MSI2: variants seen among roughly 807,000 people sequenced by gnomAD.
The protein encoded by MSI2 is RNA-binding protein Musashi homolog 2.
A neutral mutation model predicts 45.6 loss-of-function variants in MSI2; 17 were observed. The observed-to-expected ratio is 0.37, with a 90% CI of 0.26 to 0.56. MSI2 has a LOEUF of 0.56. Ranked by LOEUF, MSI2 falls within the 20% of genes least tolerant of loss-of-function variation. The probability of loss-of-function intolerance (pLI) is 0.77; values close to 1 mark genes in which losing one functional copy is unlikely to be tolerated. For synonymous variants in MSI2, 156 were observed against 158.2 expected (o/e 0.99, Z 0.11); for missense variants, 293 against 444.2 (o/e 0.66, Z 3.06).
intron 7 of MSI2, among the ~76,000 whole-genome samples, chr17:57,530,938 G>A (rs1378508700): frequency 6.6e-6 from 1 of 150,980 alleles, no homozygotes; most frequent in Non-Finnish European, 1.5e-5. Context: ...CAACAGTGGT[G>A]TCAAGTGGTA....
chr17:57,367,844 C>T (rs1009251185), intron 5 of MSI2, among the ~76,000 whole-genome samples: 1 of 152,136 alleles, frequency 6.6e-6, no homozygotes, highest in Non-Finnish European at 1.5e-5. Flanking sequence ...TGCCACCAGG[C>T]CATCCCTCTT....
intron 10 of MSI2, among the ~76,000 whole-genome samples, chr17:57,643,161 A>G (rs1910381160): frequency 6.6e-6 from 1 of 152,096 alleles, no homozygotes; most frequent in Admixed American, 6.5e-5. Context: ...GCCCAGGTTG[A>G]AAAGGTACCC....
intron 7 of MSI2, among the ~76,000 whole-genome samples, chr17:57,581,265 C>T (rs568718453): frequency 1.3e-5 from 2 of 152,208 alleles, no homozygotes; most frequent in African/African-American, 2.4e-5. Flanking sequence ...CCCCAGCCTC[C>T]ACTTCCCAAA....
At chr17:57,466,038 T>G (rs975007237) in intron 6 of MSI2, among the ~76,000 whole-genome samples, 1 of 152,014 alleles carries the variant, frequency 6.6e-6, no homozygotes, top group African/African-American at 2.4e-5. Context: ...GGGTGCACAC[T>G]CCCCCTGAGG....
rs564064277 is a variant in MSI2, at chr17:57,486,632, G to C, written c.406-43044G>C. 2.6e-5 allele frequency among the ~76,000 whole-genome samples: 4 copies of C among 152,288 alleles called. No individual in the cohort carries two copies. The South Asian group carries it at 8.3e-4, about 32-fold the overall frequency. On this transcript the variant is annotated intron_variant, in intron 6 of 13. Coordinates refer to ENST00000284073, the MANE Select transcript of MSI2 (RefSeq NM_138962.4). ...TTATTCACTGGTGGTCAGGCTTCTT[G>C]TTTTTCTTCTGGGTAGACTGCCTTT...
chr17:57,375,252 C>T (rs575990928), intron 5 of MSI2, among the ~76,000 whole-genome samples: 5 of 152,268 alleles, frequency 3.3e-5, no homozygotes, highest in African/African-American at 1.2e-4. Flanking sequence ...CAAATTTAAG[C>T]CTCTGACAAG....
chr17:57,677,257 T>G (rs1009561805), intron 13 of MSI2, among the ~76,000 whole-genome samples, 198 bp downstream of exon 13: 3 of 152,222 alleles, frequency 2.0e-5, no homozygotes, highest in African/African-American at 4.8e-5. Context: ...CAGCTTTTAA[T>G]CATGACCCCC....
Position 57,627,848 on chromosome 17 carries a change from T to C in MSI2, c.727+545T>C, listed in dbSNP as rs920138981. 4 of 156,316 alleles carry C rather than the reference T, an allele frequency of 2.6e-5. No individual in the cohort carries two copies. Among genetic ancestry groups the C allele is most frequent in the African/African-American group, 9.6e-5 (4 of 41,470 alleles). 9.7% of individuals were successfully genotyped at this position (156,316 alleles called of 1,614,324 possible). A position where few individuals can be genotyped will look rare whatever the true frequency, so the allele number is the denominator to read the frequency against. On this transcript the variant is annotated intron_variant, in intron 10 of 13. Transcript: ENST00000284073. The surrounding 1 kb of genome is among the most constrained non-coding windows in gnomAD (Gnocchi z 4.6). ...TGCTGTCCATCCTGGGTGAGCTGTT[T>C]AGATTATCCTTTCCCTCTGCGTGGG...
At chr17:57,343,451 A>G (rs574528992) in intron 5 of MSI2, among the ~76,000 whole-genome samples, 21 of 152,148 alleles carry the variant, frequency 1.4e-4, no homozygotes, top group Admixed American at 4.6e-4. Flanking sequence ...TTGCTCAATC[A>G]GTTGCTCTCT....
intron 5 of MSI2, among the ~76,000 whole-genome samples, chr17:57,346,514 A>T (rs992843307): frequency 6.6e-6 from 1 of 152,254 alleles, no homozygotes; most frequent in Non-Finnish European, 1.5e-5. Context: ...GAATAAGTGT[A>T]GTCCAAGCTG....
At chr17:57,625,810 T>G (rs2144599956) in intron 9 of MSI2, 1 of 152,518 alleles carries the variant, frequency 6.6e-6, no homozygotes, top group Non-Finnish European at 1.5e-5. Context: ...AGAACAGGAC[T>G]CAGAAAACAG....
At chr17:57,497,307 G>T (rs2086000425) in intron 6 of MSI2, among the ~76,000 whole-genome samples, 1 of 152,162 alleles carries the variant, frequency 6.6e-6, no homozygotes, top group Admixed American at 6.5e-5. Context: ...GACTTTTTCT[G>T]CCAGACTTGT....
intron 5 of MSI2, chr17:57,268,305 A>T (rs1892142057): frequency 6.6e-6 from 1 of 152,178 alleles, no homozygotes; most frequent in African/African-American, 2.4e-5. Context: ...GCAAACAGAT[A>T]AGTTTATGAC....
At chr17:57,657,927 G>A (rs1349100831) in intron 11 of MSI2, among the ~76,000 whole-genome samples, 2 of 152,154 alleles carry the variant, frequency 1.3e-5, no homozygotes, top group Non-Finnish European at 2.9e-5. Context: ...AGTGGCCTGA[G>A]ACTCTGGTCC....
chr17:57,304,049 T>C (rs900181219), intron 5 of MSI2, among the ~76,000 whole-genome samples: 2 of 152,060 alleles, frequency 1.3e-5, no homozygotes, highest in African/African-American at 2.4e-5. Context: ...AGAAAAATAG[T>C]TGGGAGCCAT....
intron 7 of MSI2, among the ~76,000 whole-genome samples, chr17:57,564,781 G>A (rs111632176): frequency 1.4e-4 from 21 of 152,260 alleles, no homozygotes; most frequent in African/African-American, 3.6e-4. Context: ...TAAATGATGC[G>A]AGCACACAGT....
At chr17:57,454,603 A>T (rs1253144671) in intron 6 of MSI2, among the ~76,000 whole-genome samples, 1 of 151,622 alleles carries the variant, frequency 6.6e-6, no homozygotes, top group Non-Finnish European at 1.5e-5. Flanking sequence ...CGCCTGGCAA[A>T]TTTTTTGTAT....
In MSI2 at chr17:57,529,606, C is replaced by T. The variant is rs2086779733; in HGVS notation, c.406-70C>T. The T allele has an allele frequency of 1.4e-6, 2 of 1,413,980 alleles. No homozygotes were observed. Among genetic ancestry groups the T allele is most frequent in the Admixed American group, 1.7e-5 (1 of 58,050 alleles). The allele number at this position is 1,413,980 out of a possible 1,614,324, so 87.6% of individuals were successfully genotyped here. ...TGGAAACTACCCCCTCACCCCCCGA[C>T]ATGCATATAATGTTTTGTGTACTTT... On this transcript the variant is annotated intron_variant, in intron 6 of 13. Transcript: ENST00000284073. The surrounding 1 kb of genome is among the most constrained non-coding windows in gnomAD (Gnocchi z 5.3).
At chr17:57,371,830 G>T (rs2083425821) in intron 5 of MSI2, among the ~76,000 whole-genome samples, 1 of 151,500 alleles carries the variant, frequency 6.6e-6, no homozygotes, top group African/African-American at 2.4e-5. Context: ...GAATTTTGGG[G>T]TTAAAGGCTA....
Sources: gnomAD v4.1 joint callset for allele counts (sites outside exome capture counted in the v4.1 genomes callset) on GRCh38, gnomAD v4.1.1 for gene constraint, Gnocchi (gnomAD v3.1) non-coding constraint, MANE v1.5 for transcripts, NCBI Gene and HGNC (gene_info 2026-07-23, HGNC 2026-07-21) for gene names.